MCC: variants seen among roughly 807,000 people sequenced by gnomAD.
MCC encodes MCC regulator of Wnt signaling pathway, also known as colorectal mutant cancer protein.
Under a neutral mutation model 116.2 loss-of-function variants are expected in MCC, and 90 were observed. That is an observed-to-expected ratio of 0.77 (90% confidence interval 0.65 to 0.92). MCC has a LOEUF of 0.92. Among genes scored for constraint, MCC ranks in the 40% least tolerant of loss-of-function variants. The pLI is 0.00. For missense variants in MCC, 1,516 were observed against 1,312.2 expected, an observed-to-expected ratio of 1.16 and a Z score of -2.40; for synonymous variants, 578 against 510.5, an observed-to-expected ratio of 1.13 and a Z score of -1.78.
Position 113,460,360 on chromosome 5 carries a change from A to G in MCC, c.170+27885T>C, listed in dbSNP as rs928397878. Among the ~76,000 whole-genome samples, 5 of 152,164 alleles carry G rather than the reference A, an allele frequency of 3.3e-5. No homozygotes were observed. In the South Asian group the frequency reaches 8.3e-4, roughly 25 times the overall value. On this transcript the variant is annotated intron_variant, in intron 1 of 18. Coordinates refer to ENST00000408903, the MANE Select transcript of MCC (RefSeq NM_001085377.2). Reference sequence around the variant, plus strand: ...AGAGGTCCAGCAGCTCTCTGTTTGGATGTGACTTTGCTCTTTTATTCAACT... The same window carrying G: ...AGAGGTCCAGCAGCTCTCTGTTTGGGTGTGACTTTGCTCTTTTATTCAACT...
rs781331890 is a variant in MCC, at chr5:113,085,191, G to A, written c.1518C>T (p.Ser506=). ...NPSTGELSTS[S]SSNDIPIAKI... ...TGGCGATGGGAATGTCATTGCTGCT[G>A]CTGCTTGTGCTCAGCTCCCCAGTGC... is the stretch of plus-strand genomic sequence containing the variant. Residue 506 remains serine (S), a synonymous_variant, in exon 9 of 19, where the codon AGC becomes AGT. Transcript: ENST00000408903. 55 of 1,614,076 alleles carry A rather than the reference G, an allele frequency of 3.4e-5. No homozygotes were observed. Among genetic ancestry groups the A allele is most frequent in the Non-Finnish European group, 4.6e-5 (54 of 1,180,052 alleles).
intron 3 of MCC, among the ~76,000 whole-genome samples, chr5:113,173,277 C>A (rs183540454): frequency 6.9e-4 from 105 of 152,184 alleles, no homozygotes; most frequent in African/African-American, 2.4e-3. Context: ...TTTATGTGGT[C>A]ATTTTTTAAA....
intron 3 of MCC, among the ~76,000 whole-genome samples, chr5:113,325,656 G>A (rs1767534360): frequency 6.6e-6 from 1 of 151,924 alleles, no homozygotes; most frequent in Non-Finnish European, 1.5e-5. Context: ...TTGCTAAATG[G>A]AAAGTATTGT....
At chr5:113,158,396 C>T (rs1760293212) in intron 3 of MCC, among the ~76,000 whole-genome samples, 3 of 152,208 alleles carry the variant, frequency 2.0e-5, no homozygotes, top group Admixed American at 2.0e-4. Context: ...TCATTGAATA[C>T]ATATTTTTGG....
chr5:113,183,747 G>T (rs1761746110), intron 3 of MCC, among the ~76,000 whole-genome samples: 1 of 152,132 alleles, frequency 6.6e-6, no homozygotes. Context: ...CAGAGGGATG[G>T]GAACTAGCTG....
intron 3 of MCC, among the ~76,000 whole-genome samples, chr5:113,305,655 G>A (rs1315332487): frequency 6.6e-6 from 1 of 152,096 alleles, no homozygotes; most frequent in African/African-American, 2.4e-5. Context: ...GGTTACTATA[G>A]CTCAATGATA....
chr5:113,423,557 G>C (rs565083881), intron 1 of MCC, among the ~76,000 whole-genome samples: 12 of 152,308 alleles, frequency 7.9e-5, no homozygotes, highest in African/African-American at 2.9e-4. Flanking sequence ...GAGAACAGAA[G>C]TGATGATTAG....
intron 11 of MCC, 50 bp downstream of exon 11, chr5:113,082,810 G>T: frequency 6.3e-7 from 1 of 1,596,788 alleles, no homozygotes. Context: ...GAAGTGAGGA[G>T]TAGCACCTCC....
chr5:113,113,008 G>C (rs574026530), intron 6 of MCC, among the ~76,000 whole-genome samples: 140 of 152,190 alleles, frequency 9.2e-4, no homozygotes, highest in Non-Finnish European at 1.5e-3. Context: ...TTTTAGCCAG[G>C]CTAAGAAACA....
chr5:113,350,424 T>A (rs1768240597), intron 2 of MCC, among the ~76,000 whole-genome samples: 1 of 152,018 alleles, frequency 6.6e-6, no homozygotes, highest in South Asian at 2.1e-4. Flanking sequence ...GACAAAGGTG[T>A]CAAGAACATA....
At chr5:113,217,764 T>G (rs1763381749) in intron 3 of MCC, among the ~76,000 whole-genome samples, 1 of 151,946 alleles carries the variant, frequency 6.6e-6, no homozygotes, top group Non-Finnish European at 1.5e-5. Flanking sequence ...TCTTTTGGAG[T>G]GAAACCGGAG....
chr5:113,064,533 T>C (rs1440360352), intron 13 of MCC, among the ~76,000 whole-genome samples: 1 of 152,228 alleles, frequency 6.6e-6, no homozygotes, highest in Non-Finnish European at 1.5e-5. Context: ...GCCATTCCTC[T>C]GTGCATTGGC....
chr5:113,409,928 ATT>A (rs909683965), intron 1 of MCC, among the ~76,000 whole-genome samples: 3 of 141,986 alleles, frequency 2.1e-5, no homozygotes, highest in African/African-American at 9.4e-5. Flanking sequence ...AAGAAAAATT[ATT>A]TATAATCATA....
At chr5:113,364,264 G>GA (rs35759225) in intron 2 of MCC, among the ~76,000 whole-genome samples, 10,671 of 101,872 alleles carry the variant, frequency 0.1, 695 homozygotes, top group African/African-American at 0.19. Flanking sequence ...AAAAAAACCA[G>GA]AAAAAAAAAA....
chr5:113,180,227 T>A (rs142901182), intron 3 of MCC, among the ~76,000 whole-genome samples: 1 of 152,330 alleles, frequency 6.6e-6, no homozygotes, highest in Non-Finnish European at 1.5e-5. Context: ...TTCTACTCCC[T>A]TTGTTTTATT....
chr5:113,468,213 A>G (rs1457960764), intron 1 of MCC, among the ~76,000 whole-genome samples: 2 of 152,232 alleles, frequency 1.3e-5, no homozygotes, highest in African/African-American at 4.8e-5. Flanking sequence ...AACTTCCAAC[A>G]CTATGTTGAA....
chr5:113,185,802 C>G (rs1187245327), intron 3 of MCC, among the ~76,000 whole-genome samples: 2 of 152,072 alleles, frequency 1.3e-5, no homozygotes, highest in African/African-American at 2.4e-5. Flanking sequence ...ACACTAAATT[C>G]ATTGAGAATG....
chr5:113,477,177 A>C (rs1678345000), intron 1 of MCC, among the ~76,000 whole-genome samples: 3 of 152,244 alleles, frequency 2.0e-5, no homozygotes, highest in Admixed American at 2.0e-4. Context: ...GCACTCAATA[A>C]TATTAGCTAT....
intron 1 of MCC, among the ~76,000 whole-genome samples, chr5:113,410,332 T>C (rs1012716633): frequency 3.3e-5 from 5 of 152,260 alleles, no homozygotes; most frequent in African/African-American, 4.8e-5. Context: ...AGGTATCCAC[T>C]ATATAGATAT....
Sources: gnomAD v4.1 joint callset for allele counts (sites outside exome capture counted in the v4.1 genomes callset) on GRCh38, gnomAD v4.1.1 for gene constraint, MANE v1.5 for transcripts, NCBI Gene and HGNC (gene_info 2026-07-23, HGNC 2026-07-21) for gene names.